The following IQCN variants were observed in gnomAD, a reference collection of about 807,000 sequenced individuals.
IQCN encodes IQ domain-containing protein N.
Under a neutral mutation model 64.4 loss-of-function variants are expected in IQCN, and 46 were observed. The observed-to-expected ratio is 0.71, with a 90% CI of 0.56 to 0.91. The LOEUF (loss-of-function observed/expected upper bound fraction) is 0.91, where lower values mean the gene tolerates loss of function less well. Ranked by LOEUF, IQCN falls within the 40% of genes least tolerant of loss-of-function variation. IQCN has a pLI of 0.00. For missense variants in IQCN, 1,753 were observed against 1,857.4 expected, an observed-to-expected ratio of 0.94 and a Z score of 1.03; for synonymous variants, 733 against 775.6, an observed-to-expected ratio of 0.95 and a Z score of 0.91.
Position 18,266,710 on chromosome 19 carries a change from T to C in IQCN, c.830A>G (p.Asp277Gly). 1 of 1,614,094 alleles carries C rather than the reference T, an allele frequency of 6.2e-7. No individual in the cohort carries two copies. The highest frequency in any genetic ancestry group is 1.3e-5 in the African/African-American group (1 of 75,000). Reference sequence around the variant, plus strand: ...ACTTACACGTTTGGTCTTCACTGAGTCACCCTCTATGTGGACGAGGCAGGT... The same window carrying C: ...ACTTACACGTTTGGTCTTCACTGAGCCACCCTCTATGTGGACGAGGCAGGT... ...RSTCLVHIEG[D>G]SVKTKRVSAR... Residue 277 changes from aspartate to glycine, a missense_variant, in exon 3 of 4, where the codon GAC becomes GGC. By Grantham distance (94) the Asp-to-Gly change is moderately conservative (BLOSUM62 -1). Coordinates refer to ENST00000392413, the MANE Select transcript of IQCN (RefSeq NM_001145304.2). This position sits in a 1 kb window ranked among gnomAD's most constrained non-coding sequence, Gnocchi z 4.3.
Position 18,262,621 on chromosome 19 carries a change from G to A in IQCN, c.3177+1742C>T, listed in dbSNP as rs1256102241. On this transcript the variant is annotated intron_variant, in intron 3 of 3. Coordinates refer to ENST00000392413, the MANE Select transcript of IQCN (RefSeq NM_001145304.2). ...CTAGTCACCACAGATGGCTGTGCTGGTCTTGGTGTCACTCTATTAGGCACA... is the reference window on the plus strand; with the variant it reads ...CTAGTCACCACAGATGGCTGTGCTGATCTTGGTGTCACTCTATTAGGCACA... The A allele has an allele frequency of 2.0e-5, 3 of 152,288 alleles. No individual in the cohort carries two copies. In the East Asian group the frequency reaches 5.8e-4, roughly 29 times the overall value. The allele number at this position is 152,288 out of a possible 1,614,324, so 9.4% of individuals were successfully genotyped here.
In IQCN at chr19:18,265,612, T is replaced by A; in HGVS notation, c.1928A>T (p.Lys643Met). 2 of 1,614,018 alleles carry A rather than the reference T, an allele frequency of 1.2e-6. No homozygotes were observed. Among genetic ancestry groups the A allele is most frequent in the Non-Finnish European group, 1.7e-6 (2 of 1,179,976 alleles). ...SWTKVAEEGD[K>M]PPHVYVPVDM... is the part of the protein sequence containing the mutation. The stretch of plus-strand genomic sequence containing the variant: ...TACAGGCACATACACGTGAGGTGGC[T>A]TGTCCCCTTCCTCAGCAACTTTTGT... Residue 643 changes from lysine to methionine, a missense_variant, in exon 3 of 4, where the codon AAG becomes ATG. Lys to Met is a moderately conservative substitution (Grantham distance 95). Coordinates refer to ENST00000392413, the MANE Select transcript of IQCN (RefSeq NM_001145304.2). This position sits in a 1 kb window ranked among gnomAD's most constrained non-coding sequence, Gnocchi z 4.7.
At chr19:18,271,190 C>A (rs1344148399) in intron 1 of IQCN, among the ~76,000 whole-genome samples, 11 of 129,104 alleles carry the variant, frequency 8.5e-5, no homozygotes, top group South Asian at 2.4e-4. Flanking sequence ...AAAAAAAAAA[C>A]CAGGCGCAGT....
chr19:18,257,483 C>CTG lies in IQCN; in HGVS notation c.3800_3801insCA (p.Val1268ArgfsTer26). ...CAGTGCCCTGGCCCATGCCCTGCAC[C>CTG]ACACGGGTGGGCTGTGTGCGTCCAC... On this transcript the variant is annotated frameshift_variant, in exon 4 of 4. Coordinates refer to ENST00000392413, the MANE Select transcript of IQCN (RefSeq NM_001145304.2). LOFTEE classifies it low-confidence loss of function (END_TRUNC). 1 of 1,608,344 alleles carries CTG rather than the reference C, an allele frequency of 6.2e-7. No homozygotes were observed. Among genetic ancestry groups the CTG allele is most frequent in the Non-Finnish European group, 8.5e-7 (1 of 1,177,666 alleles).
In IQCN at chr19:18,257,435, C is replaced by T. The variant is rs1969319969; in HGVS notation, c.3849G>A (p.Trp1283Ter). 1 of 1,609,688 alleles carries T rather than the reference C, an allele frequency of 6.2e-7. No homozygotes were observed. Among genetic ancestry groups the T allele is most frequent in the Admixed American group, 1.7e-5 (1 of 59,906 alleles). The change falls in exon 4 of 4, where the codon TGG becomes TGA. Residue 1283 changes from tryptophan to a stop codon, truncating the protein, a stop_gained. Transcript: ENST00000392413. LOFTEE classifies it low-confidence loss of function (END_TRUNC). Reference protein sequence around the residue: ...QGTEGPGAVSWASAYQLAALS... With the variant: ...QGTEGPGAVS ...GGGCAGCCAGCTGGTAGGCGGAGGC[C>T]CAAGACACTGCCCCGGGGCCCTCAG...
Position 18,265,508 on chromosome 19 carries a change from G to A in IQCN, c.2032C>T (p.Leu678=), listed in dbSNP as rs150605401. 1.2e-6 allele frequency: 2 copies of A among 1,612,782 alleles called. No homozygotes were observed. The highest frequency in any genetic ancestry group is 2.7e-5 in the African/African-American group (2 of 74,902). ...GGGGCGGCCAGTGGTCTCTGGGACA[G>A]GCAGGGTGGATGTCTCTGGGATGAG... ...NASSQRHPPC[L]SQRPLAAPLT... The change falls in exon 3 of 4, where the codon CTG becomes TTG. Residue 678 remains leucine, a synonymous_variant. Coordinates refer to ENST00000392413, the MANE Select transcript of IQCN (RefSeq NM_001145304.2). This position sits in a 1 kb window ranked among gnomAD's most constrained non-coding sequence, Gnocchi z 4.7.
intron 1 of IQCN, 52 bp from the exon 2 acceptor site, chr19:18,269,639 C>A: frequency 1.0e-4 from 43 of 425,424 alleles, no homozygotes; most frequent in South Asian, 3.8e-4. Flanking sequence ...ATGCTAAATT[C>A]TAAAATTTCT....
intron 1 of IQCN, among the ~76,000 whole-genome samples, chr19:18,273,392 C>A (rs562666795): frequency 5.6e-4 from 85 of 151,726 alleles, no homozygotes; most frequent in African/African-American, 1.9e-3. Context: ...GGCTGGAGTG[C>A]AATGGCGCCA....
In IQCN at chr19:18,265,080, T is replaced by TC. The variant is rs1255253023; in HGVS notation, c.2459dup (p.Pro821ThrfsTer7). The TC allele has an allele frequency of 1.9e-6, 3 of 1,601,380 alleles. No homozygotes were observed. The highest frequency in any genetic ancestry group is 2.2e-5 in the South Asian group (2 of 91,068). ...GGACCTCACAGGCTGCCGGGCATGG[T>TC]CCCCCCTGAGTGGTCTTCCCCGGCA... is the stretch of plus-strand genomic sequence containing the variant. On this transcript the variant is annotated frameshift_variant, in exon 3 of 4. Coordinates refer to ENST00000392413, the MANE Select transcript of IQCN (RefSeq NM_001145304.2). LOFTEE classifies it high-confidence loss of function. The surrounding 1 kb of genome is among the most constrained non-coding windows in gnomAD (Gnocchi z 4.7).
In IQCN at chr19:18,265,368, T is replaced by A. The variant is rs557012797; in HGVS notation, c.2172A>T (p.Thr724=). 4 of 1,614,162 alleles carry A rather than the reference T, an allele frequency of 2.5e-6. No individual in the cohort carries two copies. In the East Asian group the frequency reaches 8.9e-5, roughly 36 times the overall value. ...CTTGGGACTGGACCTTCACGGCACCTGTGGCCAGATGTGTCTGGGAATGCA... is the reference window on the plus strand; with the variant it reads ...CTTGGGACTGGACCTTCACGGCACCAGTGGCCAGATGTGTCTGGGAATGCA... ...SKMHSQTHLA[T]GAVKVQSQAP... Residue 724 remains threonine (T), a synonymous_variant, in exon 3 of 4, where the codon ACA becomes ACT. Coordinates refer to ENST00000392413, the MANE Select transcript of IQCN (RefSeq NM_001145304.2). The surrounding 1 kb of genome is among the most constrained non-coding windows in gnomAD (Gnocchi z 4.7).
Position 18,264,658 on chromosome 19 carries a change from G to A in IQCN, c.2882C>T (p.Ala961Val), listed in dbSNP as rs1015033813. The change falls in exon 3 of 4, where the codon GCG becomes GTG. Residue 961 changes from alanine (A) to valine (V), a missense_variant. Ala to Val is a moderately conservative substitution (Grantham distance 64, BLOSUM62 0). Transcript: ENST00000392413. The surrounding 1 kb of genome is among the most constrained non-coding windows in gnomAD (Gnocchi z 4.3). ...ACCCTGCATGACCTTGGTGAGTTCC[G>A]CCCGCAGCTCGCCCCGGGACAGGGC... Reference protein sequence around the residue: ...SRALSRGELRAELTKVMQGKL... With the variant: ...SRALSRGELRVELTKVMQGKL... The A allele has an allele frequency of 1.4e-5, 21 of 1,551,250 alleles. No homozygotes were observed. The highest frequency in any genetic ancestry group is 1.4e-5 in the African/African-American group (1 of 73,030).
chr19:18,274,330 A>G (rs1275703977), intron 1 of IQCN, 73 bp downstream of exon 1: 2 of 152,312 alleles, frequency 1.3e-5, no homozygotes, highest in Admixed American at 6.6e-5. Flanking sequence ...CAAGTCCTCC[A>G]CCAGCCCCAC....
Position 18,264,897 on chromosome 19 carries a change from A to C in IQCN, c.2643T>G (p.Cys881Trp). The C allele has an allele frequency of 1.2e-6, 2 of 1,613,392 alleles. No individual in the cohort carries two copies. Among genetic ancestry groups the C allele is most frequent in the Non-Finnish European group, 1.7e-6 (2 of 1,179,932 alleles). Residue 881 changes from cysteine (C) to tryptophan (W), a missense_variant, in exon 3 of 4, where the codon TGT (cysteine) becomes TGG (tryptophan). Physicochemically the swap from Cys to Trp is radical, Grantham distance 215 (BLOSUM62 -2). Coordinates refer to ENST00000392413, the MANE Select transcript of IQCN (RefSeq NM_001145304.2). This position sits in a 1 kb window ranked among gnomAD's most constrained non-coding sequence, Gnocchi z 4.3. ...ATGCCAGCACACCAGCTACTTCAGC[A>C]CACAAGGAGGCCAGCAGGGAGCCTA... ...DTVGSLLASL[C>W]AEVAGVLASQ...
In IQCN at chr19:18,273,495, C is replaced by T. The variant is rs529494349; in HGVS notation, c.-110+908G>A. The stretch of plus-strand genomic sequence containing the variant: ...AGGATTACAGGCATGCGCCACCACA[C>T]CTAATTTCGTATTTTTAGTGGAAAT... On this transcript the variant is annotated intron_variant, in intron 1 of 3. Transcript: ENST00000392413. Among the ~76,000 whole-genome samples, 4 of 152,292 alleles carry T rather than the reference C, an allele frequency of 2.6e-5. No individual in the cohort carries two copies. In the East Asian group the frequency reaches 7.7e-4, roughly 29 times the overall value.
chr19:18,257,098 T>C lies in IQCN; in HGVS notation c.*82A>G. Reference sequence around the variant, plus strand: ...AACCCAGAACACATCACCCAAGATCTAGGCTGTGGAGGACTTTATTCATTA... The same window carrying C: ...AACCCAGAACACATCACCCAAGATCCAGGCTGTGGAGGACTTTATTCATTA... On this transcript the variant is annotated 3_prime_UTR_variant, in exon 4 of 4. Transcript: ENST00000392413. 1 of 1,405,620 alleles carries C rather than the reference T, an allele frequency of 7.1e-7. No homozygotes were observed. Among genetic ancestry groups the C allele is most frequent in the South Asian group, 1.2e-5 (1 of 80,694 alleles). The allele number at this position is 1,405,620 out of a possible 1,614,324, so 87.1% of individuals were successfully genotyped here.
At chr19:18,269,973 T>A (rs1200007070) in intron 1 of IQCN, among the ~76,000 whole-genome samples, 2 of 148,212 alleles carry the variant, frequency 1.3e-5, no homozygotes, top group Non-Finnish European at 1.5e-5. Context: ...TCCCAGCACT[T>A]TGGGAGGCCA....
rs1600135681 is a variant in IQCN, at chr19:18,269,556, A to G, written c.-78T>C. 2.0e-6 allele frequency: 3 copies of G among 1,486,104 alleles called. No homozygotes were observed. Among genetic ancestry groups the G allele is most frequent in the Non-Finnish European group, 2.8e-6 (3 of 1,065,744 alleles). 92.1% of individuals were successfully genotyped at this position (1,486,104 alleles called of 1,614,324 possible). ...AAGAGGAGGCAGCCTTCAGCCTTTC[A>G]TCCATGCAATATGCAGCAACACTGC... On this transcript the variant is annotated 5_prime_UTR_variant, in exon 2 of 4. An upstream start codon of the reference 5' UTR is lost. Transcript: ENST00000392413.
In IQCN at chr19:18,257,112, C is replaced by A; in HGVS notation, c.*68G>T. The A allele has an allele frequency of 6.6e-7, 1 of 1,511,748 alleles. No homozygotes were observed. The highest frequency in any genetic ancestry group is 1.4e-5 in the African/African-American group (1 of 72,960). 93.6% of individuals were successfully genotyped at this position (1,511,748 alleles called of 1,614,324 possible). On this transcript the variant is annotated 3_prime_UTR_variant, in exon 4 of 4. Coordinates refer to ENST00000392413, the MANE Select transcript of IQCN (RefSeq NM_001145304.2). The stretch of plus-strand genomic sequence containing the variant: ...CACCCAAGATCTAGGCTGTGGAGGA[C>A]TTTATTCATTAGACCCAGAGAGCCA...
At chr19:18,271,219 C>T (rs1373373551) in intron 1 of IQCN, among the ~76,000 whole-genome samples, 2 of 150,012 alleles carry the variant, frequency 1.3e-5, no homozygotes, top group Non-Finnish European at 1.5e-5. Context: ...CCTGTAATCC[C>T]AGTGCTTTGG....
Sources: allele counts gnomAD v4.1 joint callset (sites outside exome capture counted in the v4.1 genomes callset), GRCh38; gene constraint gnomAD v4.1.1; non-coding constraint Gnocchi (gnomAD v3.1); transcripts MANE v1.5; gene names NCBI Gene and HGNC (gene_info 2026-07-23, HGNC 2026-07-21).